The following CFAP47 variants were observed in gnomAD, a reference collection of about 807,000 sequenced individuals.
CFAP47 encodes the protein cilia and flagella associated protein 47.
In CFAP47, 29 loss-of-function variants were observed where a neutral mutation model predicts 148.1. The ratio of observed to expected loss-of-function variants is 0.20; its 90% CI spans 0.15 to 0.27. CFAP47 has a LOEUF of 0.27. CFAP47 is among the 10% of genes least tolerant of loss of function. The probability of loss-of-function intolerance (pLI) is 1.00; values close to 1 mark genes in which losing one functional copy is unlikely to be tolerated. For synonymous variants in CFAP47, 664 were observed against 577.3 expected (o/e 1.15, Z -2.15); for missense variants, 1,872 against 1,697.5 (o/e 1.10, Z -1.81).
intron 51 of CFAP47, among the ~76,000 whole-genome samples, chrX:36,296,859 A>G (rs1294959834): frequency 1.8e-5 from 2 of 111,898 alleles, no homozygotes; most frequent in Non-Finnish European, 3.8e-5. Flanking sequence ...ATTGGAAATT[A>G]TTTAGTGGCC....
rs1056276250 is a variant in CFAP47, at chrX:36,145,340, C to T, written c.5657C>T (p.Thr1886Met). The change falls in exon 36 of 64, where the codon ACG (threonine) becomes ATG (methionine). Residue 1886 changes from threonine to methionine, a missense_variant. Physicochemically the swap from Thr to Met is moderately conservative, Grantham distance 81 (BLOSUM62 -1). Coordinates refer to ENST00000378653, the MANE Select transcript of CFAP47 (RefSeq NM_001304548.2). ...VVSFECTLHD[T>M]VLNKILLKNS... ...TCCTTTGAATGTACTCTACATGACA[C>T]GGTGCTGAATAAGGTAAGGATAATT... 4 of 294,953 alleles carry T rather than the reference C, an allele frequency of 1.4e-5. No homozygotes were observed. Among genetic ancestry groups the T allele is most frequent in the African/African-American group, 1.1e-4 (4 of 36,109 alleles). 24.3% of individuals were successfully genotyped at this position (294,953 alleles called of 1,213,427 possible).
Position 36,379,376 on chromosome X carries a change from T to G in CFAP47, c.9212T>G (p.Phe3071Cys), listed in dbSNP as rs1556023641. ...TRNPEPFTAH[F>C]LPGSDLEFFV... is the part of the protein sequence containing the mutation. Reference sequence around the variant, plus strand: ...AATCCTGAGCCGTTCACCGCACACTTCCTACCTGGCAGCGATCTGGAGTTT... The same window carrying G: ...AATCCTGAGCCGTTCACCGCACACTGCCTACCTGGCAGCGATCTGGAGTTT... The change falls in exon 63 of 64, where the codon TTC becomes TGC. Residue 3071 changes from phenylalanine to cysteine, a missense_variant. Transcript: ENST00000378653. 8.6e-7 allele frequency: 1 copy of G among 1,166,061 alleles called. No homozygotes were observed. The highest frequency in any genetic ancestry group is 1.1e-6 in the Non-Finnish European group (1 of 872,627).
chrX:36,081,968 G>A (rs150770468), intron 29 of CFAP47, among the ~76,000 whole-genome samples: 1,840 of 111,643 alleles, frequency 0.016, 46 homozygotes, highest in African/African-American at 0.057. Flanking sequence ...AAAATAGTAT[G>A]AGAAGTCCTT....
At chrX:35,943,143 A>G (rs113957173) in intron 3 of CFAP47, among the ~76,000 whole-genome samples, 2,067 of 111,866 alleles carry the variant, frequency 0.018, 51 homozygotes, top group African/African-American at 0.062. Context: ...TATCATCTAC[A>G]AGCAAAATAT....
chrX:36,073,463 A>T (rs1937793200), intron 29 of CFAP47, 99 bp downstream of exon 29: 5 of 542,285 alleles, frequency 9.2e-6, no homozygotes. Flanking sequence ...AATATGAAGT[A>T]ATTTATTCTA....
At chrX:36,142,087 G>A (rs187779737) in intron 35 of CFAP47, among the ~76,000 whole-genome samples, 67 of 112,284 alleles carry the variant, frequency 6.0e-4, no homozygotes, top group Non-Finnish European at 1.1e-3. Context: ...GAAAATGATT[G>A]TTGGGAAGGC....
intron 39 of CFAP47, among the ~76,000 whole-genome samples, chrX:36,171,748 T>C (rs1175929152): frequency 8.9e-6 from 1 of 111,915 alleles, no homozygotes; most frequent in Non-Finnish European, 1.9e-5. Context: ...TCCAGCTTTG[T>C]TCTTTTGGCT....
intron 35 of CFAP47, 120 bp downstream of exon 35, chrX:36,138,584 G>A: frequency 1.3e-6 from 1 of 749,542 alleles, no homozygotes; most frequent in Non-Finnish European, 1.8e-6. Context: ...GGCTTTTGAT[G>A]AGACATTGCT....
At chrX:36,112,235 A>G (rs1170137430) in intron 33 of CFAP47, among the ~76,000 whole-genome samples, 2 of 111,651 alleles carry the variant, frequency 1.8e-5, no homozygotes, top group Admixed American at 1.9e-4. Context: ...TCATGTGGGC[A>G]TTTAGTGCTA....
At chrX:36,250,030 A>G (rs948711464) in intron 48 of CFAP47, among the ~76,000 whole-genome samples, 1 of 111,628 alleles carries the variant, frequency 9.0e-6, no homozygotes, top group African/African-American at 3.2e-5. Flanking sequence ...AATTAAAAGT[A>G]GAACTATCAT....
At chrX:36,108,040 G>A (rs776993823) in intron 33 of CFAP47, among the ~76,000 whole-genome samples, 48 of 111,216 alleles carry the variant, frequency 4.3e-4, no homozygotes, top group African/African-American at 1.5e-3. Flanking sequence ...TTGAGCATTA[G>A]AGTTGTTCAG....
chrX:35,997,328 C>T lies in CFAP47; in HGVS notation c.3116C>T (p.Ala1039Val), dbSNP rs1435505882. The T allele has an allele frequency of 1.7e-5, 5 of 292,864 alleles. No homozygotes were observed. The Admixed American group carries it at 1.9e-4, about 11-fold the overall frequency. 24.1% of individuals were successfully genotyped at this position (292,864 alleles called of 1,213,427 possible). A position where few individuals can be genotyped will look rare whatever the true frequency, so the allele number is the denominator to read the frequency against. ...CTAAATAAGGTTTCTATTCGTCATG[C>T]GAATGTTATAGACCTTAGGATTGGT... is the stretch of plus-strand genomic sequence containing the variant. ...DTRAKVSIRHANVIDLRIGGS... is the reference protein window; with the variant it reads ...DTRAKVSIRHVNVIDLRIGGS... The change falls in exon 19 of 64, where the codon GCG becomes GTG. Residue 1039 changes from alanine to valine, a missense_variant. Coordinates refer to ENST00000378653, the MANE Select transcript of CFAP47 (RefSeq NM_001304548.2).
rs1002917850 is a variant in CFAP47 at position 36,201,329 on chromosome X, G to A, written c.6492G>A (p.Leu2164=). 6.8e-6 allele frequency: 2 copies of A among 295,343 alleles called. No individual in the cohort carries two copies. The highest frequency in any genetic ancestry group is 1.2e-4 in the Admixed American group (2 of 16,117). 24.3% of individuals were successfully genotyped at this position (295,343 alleles called of 1,213,427 possible). A position where few individuals can be genotyped will look rare whatever the true frequency, so the allele number is the denominator to read the frequency against. The change falls in exon 44 of 64, where the codon CTG becomes CTA. Residue 2164 remains leucine (L), a synonymous_variant. Coordinates refer to ENST00000378653, the MANE Select transcript of CFAP47 (RefSeq NM_001304548.2). ...TGAAATGCAAACCCTATCAAATCCTGTATGTGGACCTTAAATTGCCAATGA... is the reference window on the plus strand; with the variant it reads ...TGAAATGCAAACCCTATCAAATCCTATATGTGGACCTTAAATTGCCAATGA... ...LYLKCKPYQI[L]YVDLKLPMTN... is the part of the protein sequence containing the mutation.
In CFAP47 at chrX:35,948,786, G is replaced by GGTGT. The variant is rs112888014; in HGVS notation, c.656+344_656+347dup. Reference sequence around the variant, plus strand: ...GGCAAAGAGCAGTGATGTGATTTGGGGTGTGTGTGTGTGCGTGTGTGTGTG... The same window carrying GGTGT: ...GGCAAAGAGCAGTGATGTGATTTGGGGTGTGTGTGTGTGTGTGCGTGTGTGTGTG... On this transcript the variant is annotated intron_variant, in intron 4 of 63. Transcript: ENST00000378653. Among the ~76,000 whole-genome samples, 12 of 108,094 alleles carry GGTGT rather than the reference G, an allele frequency of 1.1e-4. No individual in the cohort carries two copies. In the South Asian group the frequency reaches 4.5e-3, roughly 40 times the overall value. 93.9% of individuals were successfully genotyped at this position (108,094 alleles called of 115,157 possible). A position where few individuals can be genotyped will look rare whatever the true frequency, so the allele number is the denominator to read the frequency against.
chrX:36,118,622 C>T (rs1026677955), intron 33 of CFAP47, among the ~76,000 whole-genome samples: 5 of 110,032 alleles, frequency 4.5e-5, no homozygotes, highest in Non-Finnish European at 9.5e-5. Flanking sequence ...TGCAGGCACC[C>T]GCCACCATGC....
At chrX:36,140,713 A>G (rs1939124185) in intron 35 of CFAP47, among the ~76,000 whole-genome samples, 1 of 111,974 alleles carries the variant, frequency 8.9e-6, no homozygotes, top group African/African-American at 3.2e-5. Context: ...TCAGCAATGG[A>G]CTTAATTATT....
rs553058354 is a variant in CFAP47 at position 35,991,118 on chromosome X, A to G, written c.2845-703A>G. Among the ~76,000 whole-genome samples the G allele has an allele frequency of 4.5e-5, 5 of 111,494 alleles. No individual in the cohort carries two copies. The South Asian group carries it at 1.9e-3, about 41-fold the overall frequency. Reference sequence around the variant, plus strand: ...TGTAATCATTGTATGACTTAGACAAAATACTTAATCACCCGAAATTTTGGT... The same window carrying G: ...TGTAATCATTGTATGACTTAGACAAGATACTTAATCACCCGAAATTTTGGT... On this transcript the variant is annotated intron_variant, in intron 16 of 63. Coordinates refer to ENST00000378653, the MANE Select transcript of CFAP47 (RefSeq NM_001304548.2).
intron 49 of CFAP47, among the ~76,000 whole-genome samples, chrX:36,279,758 A>G (rs5973633): frequency 0.24 from 26,149 of 110,367 alleles, 2,579 homozygotes; most frequent in African/African-American, 0.36. Context: ...GGGATGGAGT[A>G]CAGTGGTGCC....
chrX:36,292,579 A>T (rs1556005740), intron 51 of CFAP47, among the ~76,000 whole-genome samples: 1 of 112,080 alleles, frequency 8.9e-6, no homozygotes, highest in East Asian at 2.8e-4. Context: ...ATGCTAGTGC[A>T]TATTGAATTG....
Sources: allele counts gnomAD v4.1 joint callset (sites outside exome capture counted in the v4.1 genomes callset), GRCh38; gene constraint gnomAD v4.1.1; transcripts MANE v1.5; gene names NCBI Gene and HGNC (gene_info 2026-07-23, HGNC 2026-07-21).